Variants in F7 observed in about 807,000 individuals in gnomAD.
F7 encodes FVII coagulation protein.
F7 carries 38 observed loss-of-function variants against 47.5 expected under a neutral mutation model. The observed-to-expected ratio is 0.80, with a 90% CI of 0.62 to 1.05. The LOEUF (loss-of-function observed/expected upper bound fraction) is 1.05. Ranked by LOEUF, F7 falls within the 50% of genes least tolerant of loss-of-function variation. The probability of loss-of-function intolerance (pLI) is 0.00; values close to 1 mark genes in which losing one functional copy is unlikely to be tolerated. For missense variants in F7, 575 were observed against 605.4 expected (o/e 0.95, Z 0.53); for synonymous variants, 244 against 258.5 (o/e 0.94, Z 0.54).
At chr13:113,108,432 G>GT (rs1163025061) in intron 1 of F7, among the ~76,000 whole-genome samples, 2 of 53,332 alleles carry the variant, frequency 3.8e-5, no homozygotes, top group Admixed American at 1.7e-4. Context: ...TGTCCCGGGG[G>GT]AGTGGGTGTC....
At chr13:113,109,571 G>C (rs1008271162) in intron 1 of F7, among the ~76,000 whole-genome samples, 3 of 152,138 alleles carry the variant, frequency 2.0e-5, no homozygotes, top group African/African-American at 4.8e-5. Flanking sequence ...TGCAGAACTC[G>C]GGCTCCTGCC....
rs368187411 is a variant in F7 at position 113,118,465 on chromosome 13, G to C, written c.792G>C (p.Ala264=). The C allele has an allele frequency of 1.2e-6, 2 of 1,606,968 alleles. No homozygotes were observed. Among genetic ancestry groups the C allele is most frequent in the Non-Finnish European group, 1.7e-6 (2 of 1,178,282 alleles). The part of the protein sequence containing the change: ...HDGDEQSRRV[A]QVIIPSTYVP... ...GGGATGAGCAGAGCCGGCGGGTGGC[G>C]CAGGTCATCATCCCCAGCACGTACG... is the stretch of plus-strand genomic sequence containing the variant. Residue 264 remains alanine, a synonymous_variant, in exon 8 of 8, where the codon GCG becomes GCC. Coordinates refer to ENST00000346342, the MANE Select transcript of F7 (RefSeq NM_019616.4).
At position 113,119,276 on chromosome 13, in the gene F7, G is replaced by A. The variant is rs1009408768; in HGVS notation, c.*268G>A. 2 of 509,480 alleles carry A rather than the reference G, an allele frequency of 3.9e-6. No homozygotes were observed. The highest frequency in any genetic ancestry group is 7.0e-6 in the Non-Finnish European group (2 of 285,418). The allele number at this position is 509,480 out of a possible 1,614,324, so 31.6% of individuals were successfully genotyped here. A position where few individuals can be genotyped will look rare whatever the true frequency, so the allele number is the denominator to read the frequency against. On this transcript the variant is annotated 3_prime_UTR_variant, in exon 8 of 8. Transcript: ENST00000346342. Reference sequence around the variant, plus strand: ...CAGAGATGGAATAGAAAAGATGAGAGGCAGAGGCAGACAGGCGCTGGACAG... The same window carrying A: ...CAGAGATGGAATAGAAAAGATGAGAAGCAGAGGCAGACAGGCGCTGGACAG...
At chr13:113,112,845 C>A (rs150019932) in intron 2 of F7, among the ~76,000 whole-genome samples, 39 of 149,368 alleles carry the variant, frequency 2.6e-4, no homozygotes, top group African/African-American at 8.0e-4. Flanking sequence ...TCACAGGTCA[C>A]CTTACTCTCA....
chr13:113,118,917 A>T lies in F7; in HGVS notation c.1244A>T (p.Tyr415Phe), dbSNP rs758213652. The change falls in exon 8 of 8, where the codon TAC becomes TTC. Residue 415 changes from tyrosine to phenylalanine, a missense_variant. Coordinates refer to ENST00000346342, the MANE Select transcript of F7 (RefSeq NM_019616.4). ...GCAACCGTGGGCCACTTTGGGGTGT[A>T]CACCAGGGTCTCCCAGTACATCGAG... ...GCATVGHFGV[Y>F]TRVSQYIEWL... 4.3e-6 allele frequency: 7 copies of T among 1,612,032 alleles called. No homozygotes were observed. The Admixed American group carries it at 5.0e-5, about 12-fold the overall frequency.
rs776615205 is a variant in F7 at position 113,118,539 on chromosome 13, C to T, written c.866C>T (p.Pro289Leu). Residue 289 changes from proline to leucine, a missense_variant, in exon 8 of 8, where the codon CCC (proline) becomes CTC (leucine). By Grantham distance (98) the Pro-to-Leu change is moderately conservative. Coordinates refer to ENST00000346342, the MANE Select transcript of F7 (RefSeq NM_019616.4). ...ATCGCGCTGCTCCGCCTGCACCAGCCCGTGGTCCTCACTGACCATGTGGTG... is the reference window on the plus strand; with the variant it reads ...ATCGCGCTGCTCCGCCTGCACCAGCTCGTGGTCCTCACTGACCATGTGGTG... ...HDIALLRLHQPVVLTDHVVPL... is the reference protein window; with the variant it reads ...HDIALLRLHQLVVLTDHVVPL... The T allele has an allele frequency of 1.2e-6, 2 of 1,612,430 alleles. No individual in the cohort carries two copies. The highest frequency in any genetic ancestry group is 3.3e-5 in the Admixed American group (2 of 60,024).
In F7 at chr13:113,115,757, G is replaced by A; in HGVS notation, c.462G>A (p.Glu154=). The A allele has an allele frequency of 6.2e-7, 1 of 1,613,244 alleles. No individual in the cohort carries two copies. Among genetic ancestry groups the A allele is most frequent in the Non-Finnish European group, 8.5e-7 (1 of 1,180,022 alleles). Residue 154 remains glutamate, a synonymous_variant, in exon 5 of 8, where the codon GAG becomes GAA. Transcript: ENST00000346342. ...TGTKRSCRCH[E]GYSLLADGVS... ...CCAAGCGCTCCTGTCGGTGCCACGA[G>A]GGGTACTCTCTGCTGGCAGACGGGG...
rs539578931 is a variant in F7, at chr13:113,105,812, A to C, written c.-30A>C. 1.9e-4 allele frequency: 297 copies of C among 1,571,820 alleles called. 4 individuals carry two copies. In the South Asian group the frequency reaches 2.9e-3, roughly 15 times the overall value. On this transcript the variant is annotated 5_prime_UTR_variant, in exon 1 of 8. Transcript: ENST00000346342. Reference sequence around the variant, plus strand: ...CGTCAGTCCCATGGGGAATGTCAACAGGCAGGGGCAGCACTGCAGAGATTT... The same window carrying C: ...CGTCAGTCCCATGGGGAATGTCAACCGGCAGGGGCAGCACTGCAGAGATTT...
chr13:113,118,277 T>A, intron 7 of F7, 136 bp from the exon 8 acceptor site: 1 of 971,372 alleles, frequency 1.0e-6, no homozygotes, highest in East Asian at 2.5e-5. Flanking sequence ...CACCTTGGGG[T>A]TAGATGCAGG....
chr13:113,116,645 TGG>T, intron 5 of F7, 119 bp from the exon 6 acceptor site: 1 of 823,384 alleles, frequency 1.2e-6, no homozygotes, highest in Non-Finnish European at 2.1e-6. Context: ...CTCCTGCTCC[TGG>T]GGGCCTCCCA....
chr13:113,113,994 G>A lies in F7; in HGVS notation c.364+34G>A, dbSNP rs2036150219. 6.2e-6 allele frequency: 10 copies of A among 1,611,576 alleles called. No homozygotes were observed. The highest frequency in any genetic ancestry group is 8.5e-6 in the Non-Finnish European group (10 of 1,179,080). On this transcript the variant is annotated intron_variant, in intron 4 of 7. Transcript: ENST00000346342. This position sits in a 1 kb window ranked among gnomAD's most constrained non-coding sequence, Gnocchi z 4.1. ...CCACTTTGGGTCCCATATTTGCAGA[G>A]GGCCCTGGGGAGCTGGTGGAGGTGG...
chr13:113,119,488 CAG>C lies in F7; in HGVS notation c.*484_*485del, dbSNP rs36209570. 2,559 of 199,848 alleles carry C rather than the reference CAG, an allele frequency of 0.013. 38 individuals are homozygous for C. The highest frequency in any genetic ancestry group is 0.017 in the Non-Finnish European group (1,647 of 97,272). The allele number at this position is 199,848 out of a possible 1,614,324, so 12.4% of individuals were successfully genotyped here. On this transcript the variant is annotated 3_prime_UTR_variant, in exon 8 of 8. Transcript: ENST00000346342. ...ACACACACACGCCAATGCACACACACAGAGATATGCACACACACGGATGCACA... is the reference window on the plus strand; with the variant it reads ...ACACACACACGCCAATGCACACACACAGATATGCACACACACGGATGCACA...
rs759295211 is a variant in F7, at chr13:113,118,427, A to G, written c.754A>G (p.Ser252Gly). 9.4e-6 allele frequency: 15 copies of G among 1,597,842 alleles called. No individual in the cohort carries two copies. Among genetic ancestry groups the G allele is most frequent in the Admixed American group, 8.4e-5 (5 of 59,706 alleles). ...CTTCCTTCCAGGCGAGCACGACCTC[A>G]GCGAGCACGACGGGGATGAGCAGAG... ...LIAVLGEHDL[S>G]EHDGDEQSRR... Residue 252 changes from serine to glycine, a missense_variant, in exon 8 of 8, where the codon AGC (serine) becomes GGC (glycine). Ser to Gly is a moderately conservative substitution (Grantham distance 56, BLOSUM62 0). Coordinates refer to ENST00000346342, the MANE Select transcript of F7 (RefSeq NM_019616.4).
rs1221446033 is a variant in F7 at position 113,117,113 on chromosome 13, C to G, written c.615+238C>G. 4.5e-5 allele frequency: 28 copies of G among 629,156 alleles called. No homozygotes were observed. In the Admixed American group the frequency reaches 7.2e-4, roughly 16 times the overall value. 39.0% of individuals were successfully genotyped at this position (629,156 alleles called of 1,614,324 possible). On this transcript the variant is annotated intron_variant, in intron 6 of 7. Coordinates refer to ENST00000346342, the MANE Select transcript of F7 (RefSeq NM_019616.4). ...CTGTGCAGAGAACCCTGCGAGATGCCCCATCCGAGTTGTCACGTCGTCCTC... is the reference window on the plus strand; with the variant it reads ...CTGTGCAGAGAACCCTGCGAGATGCGCCATCCGAGTTGTCACGTCGTCCTC...
At position 113,110,855 on chromosome 13, in the gene F7, G is replaced by A; in HGVS notation, c.225+5G>A. 4 of 1,556,602 alleles carry A rather than the reference G, an allele frequency of 2.6e-6. No homozygotes were observed. Among genetic ancestry groups the A allele is most frequent in the Non-Finnish European group, 3.5e-6 (4 of 1,150,992 alleles). ...TTCAAGGACGCGGAGAGGACGGTGAGCCCAGCCTCGGGGCGCCCCGCGCCG... is the reference window on the plus strand; with the variant it reads ...TTCAAGGACGCGGAGAGGACGGTGAACCCAGCCTCGGGGCGCCCCGCGCCG... On this transcript the variant is annotated splice_donor_5th_base_variant and intron_variant, in intron 2 of 7. Transcript: ENST00000346342.
At chr13:113,114,846 C>G (rs1272248053) in intron 4 of F7, 2 of 152,902 alleles carry the variant, frequency 1.3e-5, no homozygotes, top group African/African-American at 4.8e-5. Context: ...TTCCCAGGAG[C>G]CAAGGCAAAG....
intron 1 of F7, among the ~76,000 whole-genome samples, chr13:113,109,206 G>GT (rs2036039729): frequency 6.8e-6 from 1 of 146,238 alleles, no homozygotes; most frequent in Non-Finnish European, 1.5e-5. Context: ...GGGCGTGGGT[G>GT]TCCGGGGGGC....
In F7 at chr13:113,119,472, C is replaced by T. The variant is rs1225832134; in HGVS notation, c.*464C>T. ...ACACACATGGATGCACACACACACA[C>T]GCCAATGCACACACACAGAGATATG... On this transcript the variant is annotated 3_prime_UTR_variant, in exon 8 of 8. Transcript: ENST00000346342. 5 of 207,418 alleles carry T rather than the reference C, an allele frequency of 2.4e-5. No individual in the cohort carries two copies. The highest frequency in any genetic ancestry group is 9.2e-5 in the South Asian group (1 of 10,850). The allele number at this position is 207,418 out of a possible 1,614,324, so 12.8% of individuals were successfully genotyped here.
chr13:113,109,991 C>T (rs990220087), intron 1 of F7, among the ~76,000 whole-genome samples: 5 of 152,218 alleles, frequency 3.3e-5, no homozygotes, highest in African/African-American at 1.2e-4. Flanking sequence ...AAGTAACCGT[C>T]GGGGTTACGG....
Sources: allele counts gnomAD v4.1 joint callset (sites outside exome capture counted in the v4.1 genomes callset), GRCh38; gene constraint gnomAD v4.1.1; non-coding constraint Gnocchi (gnomAD v3.1); transcripts MANE v1.5; gene names NCBI Gene and HGNC (gene_info 2026-07-23, HGNC 2026-07-21).